The following DNAI7 variants were observed in gnomAD, a reference collection of about 807,000 sequenced individuals.
DNAI7 encodes the protein dynein axonemal intermediate chain 7, also known as cancer susceptibility 1.
In DNAI7, 78 loss-of-function variants were observed where a neutral mutation model predicts 86.6. The observed-to-expected ratio is 0.90, with a 90% CI of 0.75 to 1.09. The LOEUF (loss-of-function observed/expected upper bound fraction) is 1.09. Among genes scored for constraint, DNAI7 ranks in the 50% least tolerant of loss-of-function variants. The pLI, the probability that DNAI7 is intolerant of heterozygous loss-of-function variation, is 0.00. For missense variants in DNAI7, 753 were observed against 810.2 expected, an observed-to-expected ratio of 0.93 and a Z score of 0.86; for synonymous variants, 274 against 273.0, an observed-to-expected ratio of 1.00 and a Z score of -0.04.
chr12:25,186,185 T>G (rs1950020116), intron 2 of DNAI7, among the ~76,000 whole-genome samples: 1 of 152,202 alleles, frequency 6.6e-6, no homozygotes. Flanking sequence ...ATGGGTTTTT[T>G]AACAGTACAT....
intron 11 of DNAI7, among the ~76,000 whole-genome samples, chr12:25,121,373 CTGAGT>C (rs746318675): frequency 8.5e-5 from 13 of 152,196 alleles, no homozygotes; most frequent in Non-Finnish European, 1.6e-4. Flanking sequence ...GCTGCAATGG[CTGAGT>C]TGAGTAGCTG....
chr12:25,129,642 T>C (rs12312317), intron 9 of DNAI7, among the ~76,000 whole-genome samples: 4,168 of 152,286 alleles, frequency 0.027, 205 homozygotes, highest in African/African-American at 0.096. Context: ...CCAGAATAAC[T>C]TCCTTTCCTT....
At chr12:25,164,252 C>T (rs1947165341) in intron 2 of DNAI7, among the ~76,000 whole-genome samples, 1 of 151,618 alleles carries the variant, frequency 6.6e-6, no homozygotes, top group Non-Finnish European at 1.5e-5. Context: ...CCCTTAGCAG[C>T]AAGTACCACT....
intron 12 of DNAI7, among the ~76,000 whole-genome samples, chr12:25,117,928 TTTTC>T (rs1940457361): frequency 1.1e-5 from 1 of 90,006 alleles, no homozygotes; most frequent in Non-Finnish European, 2.7e-5. Context: ...TATTTTGATA[TTTTC>T]TTTTTCTTTT....
In DNAI7 at chr12:25,121,808, T is replaced by C; in HGVS notation, c.1184A>G (p.Asp395Gly). The C allele has an allele frequency of 6.2e-7, 1 of 1,608,014 alleles. No individual in the cohort carries two copies. The highest frequency in any genetic ancestry group is 8.5e-7 in the Non-Finnish European group (1 of 1,178,480). ...FTTLGGVYHL[D>G]ILELPPQCKP... ...ACACTGTGGAGGAAGCTCCAAAATATCCAAGTGGTATACTCCACCCAGAGT... is the reference window on the plus strand; with the variant it reads ...ACACTGTGGAGGAAGCTCCAAAATACCCAAGTGGTATACTCCACCCAGAGT... The change falls in exon 11 of 16, where the codon GAT becomes GGT. Residue 395 changes from aspartate to glycine, a missense_variant. Coordinates refer to ENST00000395987, the MANE Select transcript of DNAI7 (RefSeq NM_018272.5).
intron 6 of DNAI7, among the ~76,000 whole-genome samples, chr12:25,153,931 C>CT (rs1945857868): frequency 6.6e-6 from 1 of 152,134 alleles, no homozygotes; most frequent in African/African-American, 2.4e-5. Context: ...CCCCCACTGT[C>CT]TAACAGAGTG....
At chr12:25,185,817 T>C (rs1949977661) in intron 2 of DNAI7, 1 of 944,442 alleles carries the variant, frequency 1.1e-6, no homozygotes, top group Non-Finnish European at 1.3e-6. Context: ...AAGTACAGAC[T>C]ATAGCAATAA....
chr12:25,185,300 G>GTGA, intron 2 of DNAI7, among the ~76,000 whole-genome samples: 1 of 152,202 alleles, frequency 6.6e-6, no homozygotes, highest in South Asian at 2.1e-4. Context: ...ATACATTGTA[G>GTGA]TGAGCACTAT....
chr12:25,182,396 CTAGTCACAACAACAAAA>C (rs1247437796), intron 2 of DNAI7, among the ~76,000 whole-genome samples: 1 of 147,290 alleles, frequency 6.8e-6, no homozygotes, highest in Admixed American at 6.8e-5. Flanking sequence ...TATTGTAGTA[CTAGTCACAACAACAAAA>C]TCATGGAATC....
At chr12:25,175,972 C>T (rs934807917) in intron 2 of DNAI7, among the ~76,000 whole-genome samples, 2 of 151,684 alleles carry the variant, frequency 1.3e-5, no homozygotes, top group Non-Finnish European at 2.9e-5. Flanking sequence ...CCCAGCTACT[C>T]GGGAGGCTGA....
intron 2 of DNAI7, among the ~76,000 whole-genome samples, chr12:25,162,970 A>C (rs1056034950): frequency 2.0e-5 from 3 of 152,240 alleles, no homozygotes; most frequent in African/African-American, 7.2e-5. Flanking sequence ...AGAACAAACC[A>C]GCAATCCCAA....
chr12:25,155,790 G>T (rs767922102), intron 4 of DNAI7, among the ~76,000 whole-genome samples: 41 of 152,224 alleles, frequency 2.7e-4, no homozygotes, highest in Non-Finnish European at 4.3e-4. Flanking sequence ...GGGGAGAGGT[G>T]AAGGGAAGGA....
chr12:25,140,895 G>A (rs1003867063), intron 9 of DNAI7, among the ~76,000 whole-genome samples: 12 of 152,086 alleles, frequency 7.9e-5, no homozygotes, highest in African/African-American at 2.7e-4. Context: ...AGAGAACCTG[G>A]AAATAAAGGC....
intron 2 of DNAI7, among the ~76,000 whole-genome samples, chr12:25,169,318 C>T (rs1947862672): frequency 6.6e-6 from 1 of 152,070 alleles, no homozygotes; most frequent in Admixed American, 6.6e-5. Context: ...CCTTGTGACC[C>T]CCACTCCTGC....
chr12:25,128,484 TA>T (rs1184452190), intron 9 of DNAI7, among the ~76,000 whole-genome samples: 1 of 152,186 alleles, frequency 6.6e-6, no homozygotes, highest in Non-Finnish European at 1.5e-5. Context: ...GTTCAGAACA[TA>T]ACCTGCACGT....
chr12:25,138,438 G>A (rs932558054), intron 9 of DNAI7, among the ~76,000 whole-genome samples: 3 of 152,058 alleles, frequency 2.0e-5, no homozygotes, highest in African/African-American at 7.2e-5. Context: ...ACTCCAGCCT[G>A]GCAACAGAGT....
intron 12 of DNAI7, among the ~76,000 whole-genome samples, chr12:25,115,298 G>GTA (rs1273990271): frequency 6.6e-6 from 1 of 151,962 alleles, no homozygotes; most frequent in African/African-American, 2.4e-5. Context: ...TGTATTTTTT[G>GTA]TATACAATTC....
intron 9 of DNAI7, among the ~76,000 whole-genome samples, chr12:25,141,613 G>T (rs750557337): frequency 3.9e-5 from 6 of 152,210 alleles, no homozygotes; most frequent in Non-Finnish European, 7.3e-5. Context: ...GGTGGACCAT[G>T]AGGTCAGGAG....
rs1555170103 is a variant in DNAI7 at position 25,147,480 on chromosome 12, C to CCA, written c.586-377_586-376insTG. On this transcript the variant is annotated intron_variant, in intron 7 of 15. Coordinates refer to ENST00000395987, the MANE Select transcript of DNAI7 (RefSeq NM_018272.5). ...AAGCCTGGGCAACATAATGAGACCA[C>CCA]CCCCATCTCTACAAAAAATTAGCTG... Among the ~76,000 whole-genome samples, 6 of 150,474 alleles carry CCA rather than the reference C, an allele frequency of 4.0e-5. No individual in the cohort carries two copies. In the East Asian group the frequency reaches 1.2e-3, roughly 29 times the overall value.
Sources: gnomAD v4.1 joint callset for allele counts (sites outside exome capture counted in the v4.1 genomes callset) on GRCh38, gnomAD v4.1.1 for gene constraint, MANE v1.5 for transcripts, NCBI Gene and HGNC (gene_info 2026-07-23, HGNC 2026-07-21) for gene names.